AOAH: variants seen among roughly 807,000 people sequenced by gnomAD.
AOAH encodes the protein acyloxyacyl hydrolase.
A neutral mutation model predicts 92.2 loss-of-function variants in AOAH; 64 were observed. The observed-to-expected ratio is 0.69, with a 90% CI of 0.57 to 0.86. The LOEUF (loss-of-function observed/expected upper bound fraction) is 0.86, where lower values mean the gene tolerates loss of function less well. Ranked by LOEUF, AOAH falls within the 40% of genes least tolerant of loss-of-function variation. The pLI is 0.00. For missense variants in AOAH, 656 were observed against 694.6 expected (o/e 0.94, Z 0.62); for synonymous variants, 263 against 254.5 (o/e 1.03, Z -0.32).
rs547343148 is a variant in AOAH, at chr7:36,707,828, A to G, written c.127+16194T>C. On this transcript the variant is annotated intron_variant, in intron 1 of 20. Coordinates refer to ENST00000617537, the MANE Select transcript of AOAH (RefSeq NM_001637.4). ...TTGAGATTCTTGGATCTGTAGGCTAATGTTTTTCTTTTCTTTTCTTTTCTT... is the reference window on the plus strand; with the variant it reads ...TTGAGATTCTTGGATCTGTAGGCTAGTGTTTTTCTTTTCTTTTCTTTTCTT... Among the ~76,000 whole-genome samples, 472 of 104,846 alleles carry G rather than the reference A, an allele frequency of 4.5e-3. 5 individuals are homozygous for G. The highest frequency in any genetic ancestry group is 0.017 in the African/African-American group (456 of 27,338). The allele number at this position is 104,846 out of a possible 152,430, so 68.8% of individuals were successfully genotyped here.
intron 13 of AOAH, among the ~76,000 whole-genome samples, chr7:36,574,645 C>T (rs1228098100): frequency 6.6e-6 from 1 of 152,154 alleles, no homozygotes; most frequent in South Asian, 2.1e-4. Context: ...AGTGTCTTAC[C>T]CTAACCTCAT....
At chr7:36,681,726 A>G (rs1170899107) in intron 2 of AOAH, among the ~76,000 whole-genome samples, 2 of 152,084 alleles carry the variant, frequency 1.3e-5, no homozygotes, top group African/African-American at 4.8e-5. Flanking sequence ...GCTTGAACCC[A>G]GGAGGCAGAG....
chr7:36,684,412 T>C (rs1455368448), intron 2 of AOAH, among the ~76,000 whole-genome samples: 2 of 152,164 alleles, frequency 1.3e-5, no homozygotes, highest in Admixed American at 6.5e-5. Context: ...CCTTGAAAAC[T>C]GATACAAGAA....
At chr7:36,535,065 T>C (rs1031965809) in intron 16 of AOAH, among the ~76,000 whole-genome samples, 4 of 135,020 alleles carry the variant, frequency 3.0e-5, no homozygotes, top group African/African-American at 1.1e-4. Flanking sequence ...TGTGTGTGTG[T>C]ATCCGTGTGT....
At chr7:36,590,150 G>A (rs12671768) in intron 12 of AOAH, among the ~76,000 whole-genome samples, 36,144 of 151,776 alleles carry the variant, frequency 0.24, 5,304 homozygotes, top group African/African-American at 0.41. Flanking sequence ...TAGAGATGAG[G>A]TCTTGCTATG....
intron 11 of AOAH, among the ~76,000 whole-genome samples, chr7:36,606,888 A>G (rs16879437): frequency 0.026 from 3,890 of 152,302 alleles, 182 homozygotes; most frequent in African/African-American, 0.09. Flanking sequence ...ACTGAGGTTT[A>G]GATATTTCGG....
At chr7:36,663,261 CATT>C (rs1441887054) in intron 3 of AOAH, among the ~76,000 whole-genome samples, 1 of 152,184 alleles carries the variant, frequency 6.6e-6, no homozygotes, top group African/African-American at 2.4e-5. Flanking sequence ...CCCCTATTAT[CATT>C]ATCTGCCACC....
At chr7:36,632,832 C>T (rs939593501) in intron 5 of AOAH, among the ~76,000 whole-genome samples, 4 of 152,122 alleles carry the variant, frequency 2.6e-5, no homozygotes, top group Non-Finnish European at 5.9e-5. Flanking sequence ...TGGGCATTGG[C>T]GATATTTGAC....
At chr7:36,640,348 G>C (rs1454450891) in intron 4 of AOAH, among the ~76,000 whole-genome samples, 1 of 152,154 alleles carries the variant, frequency 6.6e-6, no homozygotes. Context: ...AAAATTAGAA[G>C]CATTTCTGCA....
At chr7:36,521,387 C>T (rs757617122) in intron 20 of AOAH, among the ~76,000 whole-genome samples, 33 of 152,188 alleles carry the variant, frequency 2.2e-4, no homozygotes, top group Non-Finnish European at 4.0e-4. Flanking sequence ...GGACATACAA[C>T]AGATAAAAGT....
At chr7:36,722,409 G>A (rs766652223) in intron 1 of AOAH, among the ~76,000 whole-genome samples, 1 of 152,108 alleles carries the variant, frequency 6.6e-6, no homozygotes, top group Non-Finnish European at 1.5e-5. Flanking sequence ...CAAACATTTA[G>A]TTTGCAATGA....
At chr7:36,684,247 G>C (rs1308732947) in intron 2 of AOAH, among the ~76,000 whole-genome samples, 3 of 152,110 alleles carry the variant, frequency 2.0e-5, no homozygotes. Flanking sequence ...AGGTGCCACT[G>C]GTCAAAGCTC....
intron 12 of AOAH, 133 bp downstream of exon 12, chr7:36,594,206 G>T: frequency 1.4e-6 from 1 of 725,824 alleles, no homozygotes; most frequent in Non-Finnish European, 2.4e-6. Flanking sequence ...CTGTATGGTG[G>T]ATGAACTCAA....
intron 12 of AOAH, among the ~76,000 whole-genome samples, chr7:36,586,486 A>G (rs538062486): frequency 6.6e-6 from 1 of 152,264 alleles, no homozygotes; most frequent in East Asian, 1.9e-4. Context: ...CAGGACTGTA[A>G]GCCCTTCCAG....
At chr7:36,681,726 AG>A (rs1796656793) in intron 2 of AOAH, among the ~76,000 whole-genome samples, 1 of 152,084 alleles carries the variant, frequency 6.6e-6, no homozygotes, top group African/African-American at 2.4e-5. Context: ...GCTTGAACCC[AG>A]GAGGCAGAGG....
intron 11 of AOAH, among the ~76,000 whole-genome samples, chr7:36,596,891 C>A (rs1462081548): frequency 6.6e-6 from 1 of 152,132 alleles, no homozygotes; most frequent in Non-Finnish European, 1.5e-5. Context: ...AAGACATGAA[C>A]CCCTTTACTA....
rs149215898 is a variant in AOAH, at chr7:36,566,903, C to T, written c.1021+9671G>A. On this transcript the variant is annotated intron_variant, in intron 13 of 20. Coordinates refer to ENST00000617537, the MANE Select transcript of AOAH (RefSeq NM_001637.4). ...TCGGCTCACTGCAACTTCTGCCTCCCGGGTTCCAGCGATTCTCCTGCTAAG... is the reference window on the plus strand; with the variant it reads ...TCGGCTCACTGCAACTTCTGCCTCCTGGGTTCCAGCGATTCTCCTGCTAAG... 5.3e-4 allele frequency among the ~76,000 whole-genome samples: 80 copies of T among 152,218 alleles called. 1 individual carries two copies. The East Asian group carries it at 8.3e-3, about 16-fold the overall frequency.
At chr7:36,564,715 TG>T in intron 13 of AOAH, among the ~76,000 whole-genome samples, 1 of 152,268 alleles carries the variant, frequency 6.6e-6, no homozygotes, top group South Asian at 2.1e-4. Flanking sequence ...CATTTGCTTC[TG>T]AATTTTCCCT....
At chr7:36,703,851 T>C (rs1798200851) in intron 1 of AOAH, among the ~76,000 whole-genome samples, 1 of 152,178 alleles carries the variant, frequency 6.6e-6, no homozygotes. Flanking sequence ...GGTTGAATGT[T>C]ATTTATAGTT....
Sources: gnomAD v4.1 joint callset for allele counts (sites outside exome capture counted in the v4.1 genomes callset) on GRCh38, gnomAD v4.1.1 for gene constraint, MANE v1.5 for transcripts, NCBI Gene and HGNC (gene_info 2026-07-23, HGNC 2026-07-21) for gene names.